The following PTPN14 variants were observed in gnomAD, a reference collection of about 807,000 sequenced individuals.
PTPN14 encodes protein tyrosine phosphatase non-receptor type 14.
A neutral mutation model predicts 126.8 loss-of-function variants in PTPN14; 53 were observed. The ratio of observed to expected loss-of-function variants is 0.42; its 90% CI spans 0.34 to 0.53. PTPN14 has a LOEUF of 0.53. Ranked by LOEUF, PTPN14 falls within the 20% of genes least tolerant of loss-of-function variation. The pLI is 0.08. For synonymous variants in PTPN14, 630 were observed against 599.3 expected (o/e 1.05, Z -0.75); for missense variants, 1,257 against 1,552.9 (o/e 0.81, Z 3.20).
chr1:214,433,885 T>G (rs928410198), intron 3 of PTPN14, among the ~76,000 whole-genome samples: 1 of 149,102 alleles, frequency 6.7e-6, no homozygotes, highest in Admixed American at 6.7e-5. Flanking sequence ...GCCGAGGGGT[T>G]CTAGACCAGC....
In PTPN14 at chr1:214,364,777, G is replaced by T; in HGVS notation, c.3272-102C>A. Reference sequence around the variant, plus strand: ...GAGAACTGATGGTGAGTGTGTGTGTGTGTGTGTGTGTGTGTGTGTGTGTGT... The same window carrying T: ...GAGAACTGATGGTGAGTGTGTGTGTTTGTGTGTGTGTGTGTGTGTGTGTGT... On this transcript the variant is annotated intron_variant, in intron 17 of 18. Transcript: ENST00000366956. The surrounding 1 kb of genome is among the most constrained non-coding windows in gnomAD (Gnocchi z 4.1). 1 of 733,124 alleles carries T rather than the reference G, an allele frequency of 1.4e-6. No homozygotes were observed. Among genetic ancestry groups the T allele is most frequent in the Non-Finnish European group, 2.2e-6 (1 of 461,792 alleles). The allele number at this position is 733,124 out of a possible 1,614,324, so 45.4% of individuals were successfully genotyped here. A position where few individuals can be genotyped will look rare whatever the true frequency, so the allele number is the denominator to read the frequency against.
chr1:214,428,771 A>C (rs889004999), intron 3 of PTPN14, among the ~76,000 whole-genome samples: 3 of 152,224 alleles, frequency 2.0e-5, no homozygotes, highest in African/African-American at 7.2e-5. Flanking sequence ...TGGAAGGCCC[A>C]AATAAAGGGT....
chr1:214,549,485 AC>A (rs1350233614), intron 1 of PTPN14, among the ~76,000 whole-genome samples: 2 of 152,220 alleles, frequency 1.3e-5, no homozygotes, highest in African/African-American at 4.8e-5. Context: ...CCTCATGGCC[AC>A]CCATTCAGAC....
At chr1:214,426,030 C>T (rs1174914785) in intron 3 of PTPN14, among the ~76,000 whole-genome samples, 2 of 10,204 alleles carry the variant, frequency 2.0e-4, no homozygotes, top group African/African-American at 7.8e-4. Context: ...GAGCATAAAT[C>T]GCAAAAAAAA....
At chr1:214,414,858 T>C in intron 3 of PTPN14, 132 bp from the exon 4 acceptor site, 2 of 692,692 alleles carry the variant, frequency 2.9e-6, no homozygotes, top group Non-Finnish European at 5.0e-6. Flanking sequence ...ATAAAGGTCA[T>C]TTCTATAAAA....
intron 10 of PTPN14, 104 bp downstream of exon 10, chr1:214,393,591 C>G: frequency 1.1e-6 from 1 of 946,992 alleles, no homozygotes; most frequent in East Asian, 2.6e-5. Context: ...CTACAAGGAA[C>G]AAGGAAAAAG....
At chr1:214,532,468 A>T in intron 1 of PTPN14, 2 of 840,832 alleles carry the variant, frequency 2.4e-6, no homozygotes, top group Admixed American at 1.7e-5. Flanking sequence ...TCCTACCTGG[A>T]CAGACTGAGG....
chr1:214,518,688 G>T (rs1275709466), intron 1 of PTPN14, among the ~76,000 whole-genome samples: 1 of 152,126 alleles, frequency 6.6e-6, no homozygotes, highest in African/African-American at 2.4e-5. Flanking sequence ...ACAGAACAAG[G>T]AAGGGGTACA....
chr1:214,497,795 T>G (rs548628834), intron 1 of PTPN14, among the ~76,000 whole-genome samples: 122 of 152,260 alleles, frequency 8.0e-4, no homozygotes, highest in African/African-American at 2.9e-3. Flanking sequence ...TATATATACA[T>G]GCATAGGAAA....
intron 1 of PTPN14, chr1:214,533,072 TGGGACGTAC>T (rs1465551889): frequency 1.3e-6 from 1 of 741,584 alleles, no homozygotes; most frequent in Admixed American, 1.8e-5. Flanking sequence ...CTCACGGAGC[TGGGACGTAC>T]GGTCCAGTCC....
intron 1 of PTPN14, among the ~76,000 whole-genome samples, chr1:214,490,914 G>GA (rs1558127211): frequency 3.4e-5 from 2 of 58,894 alleles, no homozygotes; most frequent in Non-Finnish European, 7.0e-5. Context: ...GGAAGGAAGG[G>GA]AAGGAAAGAA....
chr1:214,469,085 A>G (rs1023382739), intron 1 of PTPN14, among the ~76,000 whole-genome samples: 1 of 152,208 alleles, frequency 6.6e-6, no homozygotes, highest in Non-Finnish European at 1.5e-5. Flanking sequence ...TCAGGCACTC[A>G]TTTAAGGCAT....
rs1193251761 is a variant in PTPN14 at position 214,351,391 on chromosome 1, AC to A, written c.*6530del. On this transcript the variant is annotated 3_prime_UTR_variant, in exon 19 of 19. Transcript: ENST00000366956. Reference sequence around the variant, plus strand: ...GAGGGTGACAGCACACAACAGTCCCACCCGTTCCCCTGAACAAGACAAGGAA... The same window carrying A: ...GAGGGTGACAGCACACAACAGTCCCACCGTTCCCCTGAACAAGACAAGGAA... The A allele has an allele frequency of 2.6e-5, 4 of 151,976 alleles. No individual in the cohort carries two copies. Among genetic ancestry groups the A allele is most frequent in the African/African-American group, 9.7e-5 (4 of 41,392 alleles). The allele number at this position is 151,976 out of a possible 1,614,324, so 9.4% of individuals were successfully genotyped here. A position where few individuals can be genotyped will look rare whatever the true frequency, so the allele number is the denominator to read the frequency against.
chr1:214,543,495 CAT>C (rs1655892520), intron 1 of PTPN14, among the ~76,000 whole-genome samples: 1 of 152,064 alleles, frequency 6.6e-6, no homozygotes, highest in South Asian at 2.1e-4. Flanking sequence ...TTAAAAATTA[CAT>C]ATAGTCATTA....
At position 214,391,416 on chromosome 1, in the gene PTPN14, T is replaced by TA. The variant is rs1012461956; in HGVS notation, c.930-372dup. Among the ~76,000 whole-genome samples, 11 of 151,696 alleles carry TA rather than the reference T, an allele frequency of 7.3e-5. No individual in the cohort carries two copies. The South Asian group carries it at 1.9e-3, about 26-fold the overall frequency. ...TATATGTAAAATCTTTCACAGTTTTTAAAAAAAATGCAAGAAAAAATATTT... is the reference window on the plus strand; with the variant it reads ...TATATGTAAAATCTTTCACAGTTTTTAAAAAAAAATGCAAGAAAAAATATTT... On this transcript the variant is annotated intron_variant, in intron 10 of 18. Transcript: ENST00000366956.
chr1:214,352,249 C>T lies in PTPN14; in HGVS notation c.*5673G>A, dbSNP rs1227525514. 1 of 152,178 alleles carries T rather than the reference C, an allele frequency of 6.6e-6. No homozygotes were observed. The highest frequency in any genetic ancestry group is 1.5e-5 in the Non-Finnish European group (1 of 68,036). The allele number at this position is 152,178 out of a possible 1,614,324, so 9.4% of individuals were successfully genotyped here. On this transcript the variant is annotated 3_prime_UTR_variant, in exon 19 of 19. Coordinates refer to ENST00000366956, the MANE Select transcript of PTPN14 (RefSeq NM_005401.5). ...AGACACTCAATGCTAGGCTCATGGACATTTTAATAGAGAATATCTTAGTTT... is the reference window on the plus strand; with the variant it reads ...AGACACTCAATGCTAGGCTCATGGATATTTTAATAGAGAATATCTTAGTTT...
At chr1:214,489,037 G>C (rs370312883) in intron 1 of PTPN14, among the ~76,000 whole-genome samples, 1 of 152,202 alleles carries the variant, frequency 6.6e-6, no homozygotes, top group South Asian at 2.1e-4. Flanking sequence ...AACATAAGGT[G>C]GTTTGAGAAA....
intron 8 of PTPN14, among the ~76,000 whole-genome samples, chr1:214,397,030 G>A (rs1451239095): frequency 1.3e-5 from 2 of 152,152 alleles, no homozygotes; most frequent in Non-Finnish European, 2.9e-5. Context: ...TCTCTATTCA[G>A]AGAGCAAGAG....
chr1:214,476,947 A>G (rs751718044), intron 1 of PTPN14, among the ~76,000 whole-genome samples: 3 of 152,246 alleles, frequency 2.0e-5, no homozygotes, highest in Non-Finnish European at 4.4e-5. Context: ...AATGACTGCT[A>G]AATACCACAG....
Sources: allele counts gnomAD v4.1 joint callset (sites outside exome capture counted in the v4.1 genomes callset), GRCh38; gene constraint gnomAD v4.1.1; non-coding constraint Gnocchi (gnomAD v3.1); transcripts MANE v1.5; gene names NCBI Gene and HGNC (gene_info 2026-07-23, HGNC 2026-07-21).